The following ATP8B4 variants were observed in gnomAD, a reference collection of about 807,000 sequenced individuals.
ATP8B4 encodes the protein probable phospholipid-transporting ATPase IM.
A neutral mutation model predicts 145.6 loss-of-function variants in ATP8B4; 133 were observed. The observed-to-expected ratio is 0.91, with a 90% CI of 0.79 to 1.05. ATP8B4 has a LOEUF of 1.05. Among genes scored for constraint, ATP8B4 ranks in the 50% least tolerant of loss-of-function variants. The pLI is 0.00. For synonymous variants in ATP8B4, 507 were observed against 492.9 expected (o/e 1.03, Z -0.38); for missense variants, 1,458 against 1,425.2 (o/e 1.02, Z -0.37).
chr15:49,867,000 G>A (rs1187507802), intron 25 of ATP8B4, among the ~76,000 whole-genome samples: 1 of 152,076 alleles, frequency 6.6e-6, no homozygotes, highest in African/African-American at 2.4e-5. Flanking sequence ...TTATAACAAA[G>A]AAAATTCTTC....
chr15:50,036,917 T>C (rs574487399), intron 6 of ATP8B4, among the ~76,000 whole-genome samples: 58 of 152,326 alleles, frequency 3.8e-4, no homozygotes, highest in African/African-American at 1.3e-3. Flanking sequence ...CATCATGCCA[T>C]ATTGAGTTAC....
chr15:50,033,129 CA>C (rs1413782717), intron 6 of ATP8B4, among the ~76,000 whole-genome samples: 1 of 152,132 alleles, frequency 6.6e-6, no homozygotes, highest in Non-Finnish European at 1.5e-5. Context: ...CAATACTCTA[CA>C]GTAGTAAAAG....
chr15:50,064,155 G>A (rs2053218275), intron 3 of ATP8B4, among the ~76,000 whole-genome samples: 1 of 152,118 alleles, frequency 6.6e-6, no homozygotes, highest in Admixed American at 6.6e-5. Context: ...TTTCCTTGCA[G>A]TACCTAAGAA....
intron 6 of ATP8B4, chr15:50,018,861 C>T (rs2049306928): frequency 9.7e-7 from 1 of 1,033,580 alleles, no homozygotes; most frequent in Admixed American, 2.4e-5. Context: ...TCTCTACTCT[C>T]TGAAGCTTCG....
chr15:50,092,679 T>C (rs893084353), intron 2 of ATP8B4, among the ~76,000 whole-genome samples: 3 of 152,074 alleles, frequency 2.0e-5, no homozygotes, highest in Non-Finnish European at 4.4e-5. Flanking sequence ...TATGGAAAGA[T>C]GAAAAGTTTA....
intron 20 of ATP8B4, among the ~76,000 whole-genome samples, chr15:49,910,935 T>C (rs2039160908): frequency 6.6e-6 from 1 of 151,872 alleles, no homozygotes; most frequent in Non-Finnish European, 1.5e-5. Flanking sequence ...AAGGACAATA[T>C]CTACTATTAA....
At chr15:50,010,523 T>A (rs528965467) in intron 7 of ATP8B4, among the ~76,000 whole-genome samples, 4 of 152,190 alleles carry the variant, frequency 2.6e-5, no homozygotes, top group African/African-American at 9.6e-5. Context: ...AGCAGACTTT[T>A]TAAAGTACTC....
At chr15:49,998,426 G>A (rs1317472248) in intron 8 of ATP8B4, among the ~76,000 whole-genome samples, 1 of 152,140 alleles carries the variant, frequency 6.6e-6, no homozygotes, top group Non-Finnish European at 1.5e-5. Flanking sequence ...TTTAATGATT[G>A]CCATTCTAAC....
rs571359510 is a variant in ATP8B4 at position 49,979,061 on chromosome 15, T to C, written c.1034+556A>G. Among the ~76,000 whole-genome samples, 4 of 152,272 alleles carry C rather than the reference T, an allele frequency of 2.6e-5. No individual in the cohort carries two copies. The East Asian group carries it at 7.7e-4, about 29-fold the overall frequency. The stretch of plus-strand genomic sequence containing the variant: ...AAAGCTAATATTCATTAAGCTTTTA[T>C]AATGTGTCAGGAATTCTTAGAGCTT... On this transcript the variant is annotated intron_variant, in intron 12 of 27. Transcript: ENST00000284509.
intron 3 of ATP8B4, among the ~76,000 whole-genome samples, chr15:50,063,134 T>C (rs772906753): frequency 3.3e-5 from 5 of 151,464 alleles, no homozygotes; most frequent in Admixed American, 6.6e-5. Flanking sequence ...GCAATATTAC[T>C]ACATAATTAA....
chr15:50,118,288 A>G (rs533221242), intron 1 of ATP8B4, among the ~76,000 whole-genome samples: 8 of 152,334 alleles, frequency 5.3e-5, no homozygotes, highest in African/African-American at 1.9e-4. Flanking sequence ...TCGTATGCAT[A>G]TACCAAAATA....
chr15:50,146,722 C>A (rs376875985), intron 1 of ATP8B4, among the ~76,000 whole-genome samples: 1 of 152,058 alleles, frequency 6.6e-6, no homozygotes, highest in South Asian at 2.1e-4. Context: ...TGGTTTGAAG[C>A]GTGAGTAAAG....
intron 1 of ATP8B4, among the ~76,000 whole-genome samples, chr15:50,148,472 C>T (rs1228867303): frequency 6.6e-6 from 1 of 152,104 alleles, no homozygotes; most frequent in East Asian, 1.9e-4. Context: ...GCCATGAGAG[C>T]TCCTCCCTCA....
At chr15:49,909,722 C>CAAAAAAAAAAAAAAA (rs995336781) in intron 20 of ATP8B4, among the ~76,000 whole-genome samples, 1 of 72,018 alleles carries the variant, frequency 1.4e-5, no homozygotes, top group African/African-American at 5.5e-5. Flanking sequence ...CTTTGTTTAC[C>CAAAAAAAAAAAAAAA]AAAAAAAAAA....
In ATP8B4 at chr15:50,023,176, T is replaced by A. The variant is rs76928549; in HGVS notation, c.363-12259A>T. ...TCTGCTTTCTAGTGATCAAGGGGTTTCAAGACCTTATGGTCTTATTTATAG... is the reference window on the plus strand; with the variant it reads ...TCTGCTTTCTAGTGATCAAGGGGTTACAAGACCTTATGGTCTTATTTATAG... On this transcript the variant is annotated intron_variant, in intron 6 of 27. Transcript: ENST00000284509. Among the ~76,000 whole-genome samples, 193 of 152,322 alleles carry A rather than the reference T, an allele frequency of 1.3e-3. 2 individuals are homozygous for A. In the East Asian group the frequency reaches 0.031, roughly 25 times the overall value.
intron 9 of ATP8B4, among the ~76,000 whole-genome samples, chr15:49,991,647 A>T (rs144616161): frequency 7.9e-5 from 12 of 152,190 alleles, no homozygotes; most frequent in African/African-American, 2.9e-4. Context: ...ATTTTTTCTG[A>T]TGTTTGAAAT....
At chr15:50,052,667 T>C (rs895061315) in intron 3 of ATP8B4, among the ~76,000 whole-genome samples, 1 of 152,200 alleles carries the variant, frequency 6.6e-6, no homozygotes, top group African/African-American at 2.4e-5. Context: ...ACCCTCCACC[T>C]GGAAGGCAAT....
chr15:49,932,458 A>T (rs189664396), intron 15 of ATP8B4, among the ~76,000 whole-genome samples: 2 of 152,174 alleles, frequency 1.3e-5, no homozygotes, highest in East Asian at 3.9e-4. Context: ...ACTTAAAGCA[A>T]TTACTTGATC....
chr15:49,932,015 C>T (rs959625651), intron 15 of ATP8B4, among the ~76,000 whole-genome samples: 6 of 151,170 alleles, frequency 4.0e-5, no homozygotes, highest in African/African-American at 1.2e-4. Context: ...GTTTATAAAA[C>T]AGCATATATA....
Sources: allele counts gnomAD v4.1 joint callset (sites outside exome capture counted in the v4.1 genomes callset), GRCh38; gene constraint gnomAD v4.1.1; transcripts MANE v1.5; gene names NCBI Gene and HGNC (gene_info 2026-07-23, HGNC 2026-07-21).